GALNT17: variants seen among roughly 807,000 people sequenced by gnomAD.
The protein encoded by GALNT17 is polypeptide N-acetylgalactosaminyltransferase 17.
GALNT17 carries 29 observed loss-of-function variants against 63.7 expected under a neutral mutation model. The ratio of observed to expected loss-of-function variants is 0.46; its 90% CI spans 0.34 to 0.62. The LOEUF is 0.62. Among genes scored for constraint, GALNT17 ranks in the 20% least tolerant of loss-of-function variants. The probability of loss-of-function intolerance (pLI) is 0.01; values close to 1 mark genes in which losing one functional copy is unlikely to be tolerated. For missense variants in GALNT17, 603 were observed against 799.6 expected, an observed-to-expected ratio of 0.75 and a Z score of 2.97; for synonymous variants, 305 against 318.3, an observed-to-expected ratio of 0.96 and a Z score of 0.45.
At chr7:71,203,473 A>T (rs1304747971) in intron 1 of GALNT17, among the ~76,000 whole-genome samples, 2 of 152,190 alleles carry the variant, frequency 1.3e-5, no homozygotes, top group Non-Finnish European at 2.9e-5. Flanking sequence ...TTCTTTGTCC[A>T]TTTTTAAAAT....
rs142679863 is a variant in GALNT17, at chr7:71,169,097, A to G, written c.238+36057A>G. ...TGATGATGTGATCAGTATCCAGCTC[A>G]CTGACTGAATGGGAACCACTACAGA... On this transcript the variant is annotated intron_variant, in intron 1 of 10. Coordinates refer to ENST00000333538, the MANE Select transcript of GALNT17 (RefSeq NM_022479.3). 1.6e-3 allele frequency among the ~76,000 whole-genome samples: 236 copies of G among 152,234 alleles called. 2 individuals are homozygous for G. The highest frequency in any genetic ancestry group is 5.4e-3 in the African/African-American group (225 of 41,532).
intron 6 of GALNT17, among the ~76,000 whole-genome samples, chr7:71,651,044 G>A (rs569851438): frequency 6.6e-6 from 1 of 152,156 alleles, no homozygotes; most frequent in Admixed American, 6.6e-5. Flanking sequence ...GGAATACCAA[G>A]AATAATAAAA....
At chr7:71,268,684 A>G (rs1166136028) in intron 1 of GALNT17, among the ~76,000 whole-genome samples, 12 of 152,274 alleles carry the variant, frequency 7.9e-5, no homozygotes, top group Admixed American at 5.2e-4. Flanking sequence ...TCATAGGTCC[A>G]TCTTCATAGG....
chr7:71,315,718 C>T (rs1562995719), intron 1 of GALNT17, among the ~76,000 whole-genome samples: 1 of 152,118 alleles, frequency 6.6e-6, no homozygotes, highest in Non-Finnish European at 1.5e-5. Context: ...TGAGGTTCTT[C>T]CGCAAGAGTT....
chr7:71,612,815 C>A (rs1311691048), intron 6 of GALNT17, among the ~76,000 whole-genome samples: 3 of 152,182 alleles, frequency 2.0e-5, no homozygotes, highest in Non-Finnish European at 4.4e-5. Flanking sequence ...CACATGCAGA[C>A]ATAAACTGGG....
At chr7:71,561,364 G>A (rs774608564) in intron 5 of GALNT17, among the ~76,000 whole-genome samples, 5 of 152,236 alleles carry the variant, frequency 3.3e-5, no homozygotes, top group East Asian at 3.9e-4. Flanking sequence ...AGAAGTTGGC[G>A]GTACTACGAA....
intron 1 of GALNT17, among the ~76,000 whole-genome samples, chr7:71,290,683 C>T (rs1041864224): frequency 1.3e-5 from 2 of 152,192 alleles, no homozygotes; most frequent in African/African-American, 4.8e-5. Flanking sequence ...TGGTCCCATC[C>T]TGATGTGGAT....
chr7:71,515,738 G>A (rs1253700029), intron 5 of GALNT17, among the ~76,000 whole-genome samples: 1 of 152,172 alleles, frequency 6.6e-6, no homozygotes, highest in African/African-American at 2.4e-5. Flanking sequence ...TCTGAGACAG[G>A]TCTCAATCAA....
chr7:71,596,241 T>C (rs1789884027), intron 6 of GALNT17, among the ~76,000 whole-genome samples: 2 of 152,152 alleles, frequency 1.3e-5, no homozygotes, highest in Admixed American at 1.3e-4. Context: ...GGTTTCACCA[T>C]GTTGGCCAGG....
At chr7:71,592,388 G>A (rs372483737) in intron 6 of GALNT17, among the ~76,000 whole-genome samples, 29 of 151,938 alleles carry the variant, frequency 1.9e-4, no homozygotes, top group South Asian at 6.2e-4. Context: ...CCAGCTATGC[G>A]GGAGGCTGAG....
At chr7:71,594,224 T>C (rs1789854785) in intron 6 of GALNT17, among the ~76,000 whole-genome samples, 1 of 151,912 alleles carries the variant, frequency 6.6e-6, no homozygotes, top group Non-Finnish European at 1.5e-5. Flanking sequence ...CCTGGGCAGG[T>C]TTGGGGTTTG....
chr7:71,691,974 T>C (rs4717612), intron 9 of GALNT17, among the ~76,000 whole-genome samples: 114,123 of 151,716 alleles, frequency 0.75, 43,091 homozygotes, highest in East Asian at 0.85. Flanking sequence ...TGCAGTGCCA[T>C]AATCAGAGCT....
intron 6 of GALNT17, among the ~76,000 whole-genome samples, chr7:71,583,305 A>G (rs1232342461): frequency 6.6e-6 from 1 of 152,184 alleles, no homozygotes; most frequent in Admixed American, 6.5e-5. Flanking sequence ...CGTGTTAGCC[A>G]GGATGGTCTC....
chr7:71,547,227 C>T (rs764472989), intron 5 of GALNT17, among the ~76,000 whole-genome samples: 11 of 150,836 alleles, frequency 7.3e-5, no homozygotes, highest in Non-Finnish European at 1.2e-4. Context: ...TGCAGTGGCG[C>T]GATCTTGGCT....
chr7:71,631,847 G>T (rs770086369), intron 6 of GALNT17, among the ~76,000 whole-genome samples: 6 of 152,110 alleles, frequency 3.9e-5, no homozygotes. Context: ...AATTCTGCAC[G>T]TGTCTGTGCT....
chr7:71,427,947 T>A (rs1244155004), intron 5 of GALNT17, among the ~76,000 whole-genome samples: 1 of 152,140 alleles, frequency 6.6e-6, no homozygotes. Flanking sequence ...AACAGTTTCA[T>A]CCTGAAACCA....
At chr7:71,527,153 C>T (rs1270986903) in intron 5 of GALNT17, among the ~76,000 whole-genome samples, 1 of 151,896 alleles carries the variant, frequency 6.6e-6, no homozygotes, top group African/African-American at 2.4e-5. Context: ...TGTAGCTATT[C>T]AATAAAATGA....
intron 1 of GALNT17, among the ~76,000 whole-genome samples, chr7:71,200,487 G>A (rs1789145826): frequency 6.6e-6 from 1 of 152,070 alleles, no homozygotes; most frequent in Non-Finnish European, 1.5e-5. Context: ...GTTCCTAGAG[G>A]CTGGATTTTA....
intron 1 of GALNT17, among the ~76,000 whole-genome samples, chr7:71,193,636 T>A (rs915360762): frequency 2.0e-5 from 3 of 152,026 alleles, no homozygotes; most frequent in African/African-American, 7.2e-5. Flanking sequence ...GGCCAACTCC[T>A]TCCTGCCATA....
Sources: gnomAD v4.1 joint callset for allele counts (sites outside exome capture counted in the v4.1 genomes callset) on GRCh38, gnomAD v4.1.1 for gene constraint, MANE v1.5 for transcripts, NCBI Gene and HGNC (gene_info 2026-07-23, HGNC 2026-07-21) for gene names.